NPAS3: variants seen among roughly 807,000 people sequenced by gnomAD.
The protein encoded by NPAS3 is neuronal PAS domain-containing protein 3.
NPAS3 carries 14 observed loss-of-function variants against 73.1 expected under a neutral mutation model. That is an observed-to-expected ratio of 0.19 (90% CI 0.13 to 0.30). The LOEUF is 0.30. Ranked by LOEUF, NPAS3 falls within the 10% of genes least tolerant of loss-of-function variation. NPAS3 has a pLI of 1.00. For missense variants in NPAS3, 1,096 were observed against 1,250.0 expected (o/e 0.88, Z 1.86); for synonymous variants, 620 against 541.5 (o/e 1.14, Z -2.01).
At chr14:33,316,753 C>T (rs548866645) in intron 3 of NPAS3, among the ~76,000 whole-genome samples, 2 of 152,132 alleles carry the variant, frequency 1.3e-5, no homozygotes, top group Admixed American at 1.3e-4. Flanking sequence ...ACTCTTAGAG[C>T]TAAAAGGGAT....
rs187163467 is a variant in NPAS3, at chr14:33,126,197, T to C, written c.140+70203T>C. On this transcript the variant is annotated intron_variant, in intron 2 of 11. Transcript: ENST00000356141. ...AGTTTTATATTTTTCCTAATAGCTT[T>C]TCTTTTCTTTGATATCAACCACTAC... Among the ~76,000 whole-genome samples the C allele has an allele frequency of 7.2e-5, 11 of 152,310 alleles. No individual in the cohort carries two copies. The East Asian group carries it at 2.1e-3, about 29-fold the overall frequency.
intron 5 of NPAS3, among the ~76,000 whole-genome samples, chr14:33,652,629 G>A (rs2059028239): frequency 6.6e-6 from 1 of 152,190 alleles, no homozygotes; most frequent in Non-Finnish European, 1.5e-5. Flanking sequence ...AGCAAAACGA[G>A]ATGAGGGACT....
intron 5 of NPAS3, among the ~76,000 whole-genome samples, chr14:33,625,664 G>T (rs1243010019): frequency 6.6e-6 from 1 of 152,164 alleles, no homozygotes; most frequent in Non-Finnish European, 1.5e-5. Flanking sequence ...CAAAGAGATT[G>T]ATGTTATAAA....
rs142883603 is a variant in NPAS3 at position 33,523,636 on chromosome 14, C to T, written c.469-36485C>T. Reference sequence around the variant, plus strand: ...AAAGATAAAAATTAAAAAAAATAGCCGGGCGTGGTGGCAGGCACCTGTAAT... The same window carrying T: ...AAAGATAAAAATTAAAAAAAATAGCTGGGCGTGGTGGCAGGCACCTGTAAT... On this transcript the variant is annotated intron_variant, in intron 4 of 11. Coordinates refer to ENST00000356141, the Ensembl canonical transcript of NPAS3. 3.1e-4 allele frequency among the ~76,000 whole-genome samples: 47 copies of T among 151,728 alleles called. No individual in the cohort carries two copies. In the East Asian group the frequency reaches 6.3e-3, roughly 20 times the overall value.
At chr14:33,113,092 A>T (rs2042950092) in intron 2 of NPAS3, among the ~76,000 whole-genome samples, 1 of 152,154 alleles carries the variant, frequency 6.6e-6, no homozygotes, top group South Asian at 2.1e-4. Context: ...GTTTGAAGTC[A>T]GGTAGCGTGA....
intron 3 of NPAS3, among the ~76,000 whole-genome samples, chr14:33,323,897 C>G (rs1365092924): frequency 2.6e-5 from 4 of 152,214 alleles, no homozygotes; most frequent in African/African-American, 9.6e-5. Flanking sequence ...CCTCTGTGAA[C>G]CTAGTATCCA....
At chr14:32,947,645 A>T (rs1375935348) in intron 1 of NPAS3, among the ~76,000 whole-genome samples, 2 of 152,086 alleles carry the variant, frequency 1.3e-5, no homozygotes, top group African/African-American at 2.4e-5. Flanking sequence ...GAGATATACC[A>T]TGTTTGTGTA....
At chr14:33,424,455 G>C (rs955761811) in intron 4 of NPAS3, among the ~76,000 whole-genome samples, 1 of 151,926 alleles carries the variant, frequency 6.6e-6, no homozygotes, top group African/African-American at 2.4e-5. Context: ...GTCAGAGAAG[G>C]AATTAGATGG....
At chr14:33,548,112 T>C (rs1043308493) in intron 4 of NPAS3, among the ~76,000 whole-genome samples, 6 of 152,226 alleles carry the variant, frequency 3.9e-5, no homozygotes, top group African/African-American at 1.4e-4. Context: ...GCAATCGTTG[T>C]TGGGAATTCG....
chr14:33,312,536 G>A (rs777809041), intron 3 of NPAS3, among the ~76,000 whole-genome samples: 8 of 151,994 alleles, frequency 5.3e-5, no homozygotes, highest in African/African-American at 9.7e-5. Context: ...TTGCAACATT[G>A]GGTTGTCATT....
At chr14:33,541,047 C>A (rs1381921464) in intron 4 of NPAS3, among the ~76,000 whole-genome samples, 3 of 151,150 alleles carry the variant, frequency 2.0e-5, no homozygotes, top group Non-Finnish European at 4.4e-5. Context: ...AGTTCTATAC[C>A]CAGTTATGTT....
chr14:33,190,479 A>G (rs1182872592), intron 2 of NPAS3, among the ~76,000 whole-genome samples: 1 of 152,260 alleles, frequency 6.6e-6, no homozygotes, highest in African/African-American at 2.4e-5. Flanking sequence ...GTTTAAATTT[A>G]AAAATCAATT....
chr14:33,555,889 G>GGTGTGTGT (rs142802411), intron 4 of NPAS3, among the ~76,000 whole-genome samples: 1,532 of 148,562 alleles, frequency 0.01, 31 homozygotes, highest in African/African-American at 0.035. Context: ...AATTGTTGTT[G>GGTGTGTGT]GTGTGTCTGT....
chr14:33,281,493 G>T (rs543788299), intron 3 of NPAS3, among the ~76,000 whole-genome samples: 342 of 152,188 alleles, frequency 2.2e-3, no homozygotes, highest in Non-Finnish European at 3.8e-3. Flanking sequence ...TTAGCCGGGC[G>T]TGGTGGTGCA....
Position 33,219,252 on chromosome 14 carries a change from A to G in NPAS3, c.385+3826A>G, listed in dbSNP as rs10136871. The stretch of plus-strand genomic sequence containing the variant: ...CATTATATCTTTTATTAATCTTTAA[A>G]GCAATAGCCACTGATTTGACATTTG... On this transcript the variant is annotated intron_variant, in intron 3 of 11. Transcript: ENST00000356141. Among the ~76,000 whole-genome samples, 1,052 of 152,326 alleles carry G rather than the reference A, an allele frequency of 6.9e-3. 12 individuals carry two copies. Among genetic ancestry groups the G allele is most frequent in the African/African-American group, 0.024 (1,007 of 41,578 alleles).
chr14:33,196,151 CTG>C (rs34432283), intron 2 of NPAS3, among the ~76,000 whole-genome samples: 31,311 of 152,092 alleles, frequency 0.21, 3,722 homozygotes, highest in South Asian at 0.38. Flanking sequence ...TAATGAATAA[CTG>C]TGAGTTTTCT....
chr14:33,251,156 C>T (rs1301073020), intron 3 of NPAS3, among the ~76,000 whole-genome samples: 1 of 152,112 alleles, frequency 6.6e-6, no homozygotes, highest in Non-Finnish European at 1.5e-5. Flanking sequence ...TGTCAGTAAA[C>T]ACAAAGAGAA....
intron 3 of NPAS3, among the ~76,000 whole-genome samples, chr14:33,303,909 G>GT (rs943136014): frequency 1.3e-5 from 2 of 152,110 alleles, no homozygotes; most frequent in Non-Finnish European, 2.9e-5. Flanking sequence ...CTTTGTTTTT[G>GT]TTTTTGTTTT....
In NPAS3 at chr14:33,120,531, C is replaced by T. The variant is rs76642647; in HGVS notation, c.140+64537C>T. Among the ~76,000 whole-genome samples, 20 of 152,124 alleles carry T rather than the reference C, an allele frequency of 1.3e-4. No individual in the cohort carries two copies. The East Asian group carries it at 1.6e-3, about 12-fold the overall frequency. The stretch of plus-strand genomic sequence containing the variant: ...TTCCTTACACCCATCCAACCAACAG[C>T]GATGTTCAAGTGTTCAGTTTTCATT... On this transcript the variant is annotated intron_variant, in intron 2 of 11. Transcript: ENST00000356141.
Sources: gnomAD v4.1 joint callset for allele counts (sites outside exome capture counted in the v4.1 genomes callset) on GRCh38, gnomAD v4.1.1 for gene constraint, MANE v1.5 for transcripts, NCBI Gene and HGNC (gene_info 2026-07-23, HGNC 2026-07-21) for gene names.